FSTL4: variants seen among roughly 807,000 people sequenced by gnomAD.
FSTL4 encodes the protein follistatin-related protein 4.
In FSTL4, 28 loss-of-function variants were observed where a neutral mutation model predicts 78.2. The ratio of observed to expected loss-of-function variants is 0.36; its 90% CI spans 0.27 to 0.49. FSTL4 has a LOEUF of 0.49. FSTL4 is among the 20% of genes least tolerant of loss of function. The pLI is 0.98. For synonymous variants in FSTL4, 422 were observed against 440.5 expected, an observed-to-expected ratio of 0.96 and a Z score of 0.53; for missense variants, 922 against 1,084.9, an observed-to-expected ratio of 0.85 and a Z score of 2.11.
chr5:133,394,739 G>A (rs1305478177), intron 4 of FSTL4, among the ~76,000 whole-genome samples: 2 of 152,276 alleles, frequency 1.3e-5, no homozygotes, highest in African/African-American at 4.8e-5. Context: ...GAGTGCGGGT[G>A]CACTGCGCGG....
the FSTL4 span, among the ~76,000 whole-genome samples, chr5:133,638,241 A>T: frequency 6.6e-6 from 1 of 152,006 alleles, no homozygotes; most frequent in Non-Finnish European, 1.5e-5. Context: ...GGCCACCATC[A>T]ACTCTCAGTT....
At chr5:133,528,199 A>T (rs1359703375) in intron 3 of FSTL4, among the ~76,000 whole-genome samples, 1 of 152,196 alleles carries the variant, frequency 6.6e-6, no homozygotes, top group Non-Finnish European at 1.5e-5. Context: ...CCTTTAACAA[A>T]GGGGGGATTT....
At chr5:133,262,880 G>C (rs1752565805) in intron 6 of FSTL4, among the ~76,000 whole-genome samples, 1 of 152,008 alleles carries the variant, frequency 6.6e-6, no homozygotes, top group South Asian at 2.1e-4. Context: ...AACAGGTTCT[G>C]TCAGGAAGGA....
At chr5:133,817,172 G>A in the FSTL4 span, among the ~76,000 whole-genome samples, 2 of 152,194 alleles carry the variant, frequency 1.3e-5, no homozygotes, top group Non-Finnish European at 2.9e-5. Context: ...TTAAATCCTC[G>A]CGACAGCCCT....
the FSTL4 span, among the ~76,000 whole-genome samples, chr5:133,738,981 G>A: frequency 1.3e-5 from 2 of 152,126 alleles, no homozygotes; most frequent in Non-Finnish European, 2.9e-5. Context: ...GGTTGCTGCT[G>A]TGGGCCTTAC....
chr5:133,349,641 G>T, intron 4 of FSTL4, among the ~76,000 whole-genome samples: 1 of 148,730 alleles, frequency 6.7e-6, no homozygotes, highest in South Asian at 2.2e-4. Context: ...CCATGTGACT[G>T]TAAAGGACCC....
the FSTL4 span, among the ~76,000 whole-genome samples, chr5:133,636,528 G>C: frequency 6.6e-6 from 1 of 152,166 alleles, no homozygotes; most frequent in Non-Finnish European, 1.5e-5. Flanking sequence ...CCACCTATGA[G>C]CTGTGCAACC....
chr5:133,520,321 C>T (rs538029255), intron 3 of FSTL4, among the ~76,000 whole-genome samples: 1 of 151,946 alleles, frequency 6.6e-6, no homozygotes, highest in East Asian at 1.9e-4. Context: ...GGCCTCTTCT[C>T]TTCATCTCGA....
Position 133,268,434 on chromosome 5 carries a change from C to T in FSTL4, c.728-18858G>A, listed in dbSNP as rs138254292. The stretch of plus-strand genomic sequence containing the variant: ...AGTGAGACAAGTCACTACCCCCCTA[C>T]ATGGGTGTTGTTTGAAAGGCTGGGC... On this transcript the variant is annotated intron_variant, in intron 6 of 15. Transcript: ENST00000265342. Among the ~76,000 whole-genome samples the T allele has an allele frequency of 3.7e-3, 570 of 152,306 alleles. 2 individuals carry two copies. The highest frequency in any genetic ancestry group is 6.8e-3 in the Middle Eastern group (2 of 294).
chr5:133,787,980 G>A, the FSTL4 span, among the ~76,000 whole-genome samples: 2 of 152,208 alleles, frequency 1.3e-5, no homozygotes, highest in Non-Finnish European at 2.9e-5. Flanking sequence ...GTAAGTGGTC[G>A]TGAATGACTG....
chr5:133,230,395 C>T (rs1414011475), intron 8 of FSTL4, among the ~76,000 whole-genome samples: 4 of 152,246 alleles, frequency 2.6e-5, no homozygotes, highest in East Asian at 1.9e-4. Context: ...AATTTTGAAC[C>T]GAAGTGCATG....
intron 3 of FSTL4, among the ~76,000 whole-genome samples, chr5:133,512,319 C>T (rs538035747): frequency 6.6e-6 from 1 of 152,362 alleles, no homozygotes; most frequent in Admixed American, 6.5e-5. Flanking sequence ...TCACTGGATT[C>T]TCTTCAAGAC....
At chr5:133,340,440 CTG>C (rs1481925299) in intron 4 of FSTL4, among the ~76,000 whole-genome samples, 1 of 152,116 alleles carries the variant, frequency 6.6e-6, no homozygotes, top group Non-Finnish European at 1.5e-5. Context: ...CCTGGCAGAA[CTG>C]TGTGTGTGGG....
the FSTL4 span, among the ~76,000 whole-genome samples, chr5:133,708,138 G>A: frequency 8.0e-6 from 1 of 124,724 alleles, no homozygotes; most frequent in South Asian, 3.1e-4. Context: ...GAGGGAGGGG[G>A]CAAGGAACGA....
At chr5:133,575,315 T>C (rs1760254383) in intron 2 of FSTL4, 1 of 152,198 alleles carries the variant, frequency 6.6e-6, no homozygotes, top group South Asian at 2.1e-4. Context: ...TGACAGGGAT[T>C]AAGAGTGGGG....
At chr5:133,483,958 T>G (rs1758080285) in intron 3 of FSTL4, among the ~76,000 whole-genome samples, 1 of 152,192 alleles carries the variant, frequency 6.6e-6, no homozygotes. Flanking sequence ...TGTCCACTCC[T>G]GCTGTCTTTC....
chr5:133,818,385 C>T, the FSTL4 span, among the ~76,000 whole-genome samples: 2 of 152,162 alleles, frequency 1.3e-5, no homozygotes, highest in African/African-American at 2.4e-5. Context: ...TTGGGTCACT[C>T]CCAATTTCAT....
chr5:133,620,695 A>C, the FSTL4 span, among the ~76,000 whole-genome samples: 26 of 152,310 alleles, frequency 1.7e-4, no homozygotes, highest in African/African-American at 5.5e-4. Context: ...TGAGTAAAGG[A>C]ATCATCAGTG....
At chr5:133,795,649 T>A in the FSTL4 span, among the ~76,000 whole-genome samples, 4 of 152,216 alleles carry the variant, frequency 2.6e-5, no homozygotes, top group Non-Finnish European at 4.4e-5. Flanking sequence ...CAGTTGGCCG[T>A]AGGCAGCATT....
Sources: allele counts gnomAD v4.1 joint callset (sites outside exome capture counted in the v4.1 genomes callset), GRCh38; gene constraint gnomAD v4.1.1; transcripts MANE v1.5; gene names NCBI Gene and HGNC (gene_info 2026-07-23, HGNC 2026-07-21).